Variants in CXCL3 observed in about 807,000 individuals in gnomAD.
CXCL3 encodes the protein C-X-C motif chemokine 3.
In CXCL3, 10 loss-of-function variants were observed where a neutral mutation model predicts 11.5. The ratio of observed to expected loss-of-function variants is 0.87; its 90% CI spans 0.54 to 1.48. CXCL3 has a LOEUF of 1.48. Among genes scored for constraint, CXCL3 ranks in the 40% most tolerant of loss-of-function variants. The pLI is 0.00. For missense variants in CXCL3, 149 were observed against 139.1 expected (o/e 1.07, Z -0.36); for synonymous variants, 61 against 60.9 (o/e 1.00, Z -0.01).
In CXCL3 at chr4:74,037,091, A is replaced by T. The variant is rs1445653860; in HGVS notation, c.*171T>A. ...TATTAAAATACAAGCTTTCAAAAATAAATACATAAATAAGTAGAACCCTCG... is the reference window on the plus strand; with the variant it reads ...TATTAAAATACAAGCTTTCAAAAATTAATACATAAATAAGTAGAACCCTCG... On this transcript the variant is annotated 3_prime_UTR_variant, in exon 4 of 4. Coordinates refer to ENST00000296026, the MANE Select transcript of CXCL3 (RefSeq NM_002090.3). 2 of 611,394 alleles carry T rather than the reference A, an allele frequency of 3.3e-6. No homozygotes were observed. The highest frequency in any genetic ancestry group is 5.6e-6 in the Non-Finnish European group (2 of 355,762). 37.9% of individuals were successfully genotyped at this position (611,394 alleles called of 1,614,324 possible).
chr4:74,038,389 C>A lies in CXCL3; in HGVS notation c.125G>T (p.Arg42Leu), dbSNP rs760681177. ...CTGCAGTGTCTGCAAGCACTGGCAGCGCAGTTCAGTGACCACGGACGCTCC... is the reference window on the plus strand; with the variant it reads ...CTGCAGTGTCTGCAAGCACTGGCAGAGCAGTTCAGTGACCACGGACGCTCC... ...AAGASVVTEL[R>L]CQCLQTLQGI... Residue 42 changes from arginine (R) to leucine (L), a missense_variant, in exon 2 of 4, where the codon CGC becomes CTC. Transcript: ENST00000296026. The A allele has an allele frequency of 2.5e-6, 4 of 1,614,122 alleles. No homozygotes were observed. The South Asian group carries it at 4.4e-5, about 18-fold the overall frequency.
chr4:74,038,377 A>G lies in CXCL3; in HGVS notation c.137T>C (p.Leu46Ser). Residue 46 changes from leucine to serine, a missense_variant, in exon 2 of 4, where the codon TTG becomes TCG. Coordinates refer to ENST00000296026, the MANE Select transcript of CXCL3 (RefSeq NM_002090.3). ...SVVTELRCQCLQTLQGIHLKN... is the reference protein window; with the variant it reads ...SVVTELRCQCSQTLQGIHLKN... ...GAGGTGAATTCCCTGCAGTGTCTGC[A>G]AGCACTGGCAGCGCAGTTCAGTGAC... The G allele has an allele frequency of 6.2e-7, 1 of 1,614,190 alleles. No individual in the cohort carries two copies. Among genetic ancestry groups the G allele is most frequent in the Non-Finnish European group, 8.5e-7 (1 of 1,180,012 alleles).
chr4:74,038,479 C>A, intron 1 of CXCL3, 33 bp downstream of exon 1: 2 of 1,575,494 alleles, frequency 1.3e-6, no homozygotes, highest in Non-Finnish European at 1.7e-6. Context: ...CCAGCCGCGT[C>A]CGGCCCGGGG....
At position 74,037,124 on chromosome 4, in the gene CXCL3, T is replaced by C. The variant is rs1466855504; in HGVS notation, c.*138A>G. 4.9e-6 allele frequency: 4 copies of C among 809,438 alleles called. No individual in the cohort carries two copies. The highest frequency in any genetic ancestry group is 2.5e-5 in the East Asian group (1 of 39,756). 50.1% of individuals were successfully genotyped at this position (809,438 alleles called of 1,614,324 possible). On this transcript the variant is annotated 3_prime_UTR_variant, in exon 4 of 4. Coordinates refer to ENST00000296026, the MANE Select transcript of CXCL3 (RefSeq NM_002090.3). The stretch of plus-strand genomic sequence containing the variant: ...AAATAAGTAGAACCCTCGTAAGAAA[T>C]AGTCAAACACATTAAGTCCTTTCCA...
Position 74,038,329 on chromosome 4 carries a change from A to C in CXCL3, c.185T>G (p.Val62Gly). The C allele has an allele frequency of 6.2e-7, 1 of 1,614,134 alleles. No individual in the cohort carries two copies. The highest frequency in any genetic ancestry group is 1.7e-5 in the Admixed American group (1 of 60,022). ...IHLKNIQSVNVRSPGPHCAQT... is the reference protein window; with the variant it reads ...IHLKNIQSVNGRSPGPHCAQT... ...GGCGCAGTGGGGTCCGGGGGACCTTACATTCACACTTTGGATGTTCTTGAG... is the reference window on the plus strand; with the variant it reads ...GGCGCAGTGGGGTCCGGGGGACCTTCCATTCACACTTTGGATGTTCTTGAG... Residue 62 changes from valine to glycine, a missense_variant, in exon 2 of 4, where the codon GTA becomes GGA. Val to Gly is a moderately radical substitution (Grantham distance 109). Transcript: ENST00000296026.
In CXCL3 at chr4:74,037,195, G is replaced by T. The variant is rs929172104; in HGVS notation, c.*67C>A. On this transcript the variant is annotated 3_prime_UTR_variant, in exon 4 of 4. Coordinates refer to ENST00000296026, the MANE Select transcript of CXCL3 (RefSeq NM_002090.3). The stretch of plus-strand genomic sequence containing the variant: ...GTTCTCTTTTTCATTTTCAGCTCTG[G>T]TAAGGGCAGGGACCACCCTGCAGGA... 6.9e-6 allele frequency: 11 copies of T among 1,586,898 alleles called. No individual in the cohort carries two copies. The Admixed American group carries it at 1.5e-4, about 22-fold the overall frequency.
Position 74,038,560 on chromosome 4 carries a change from C to G in CXCL3, c.52G>C (p.Val18Leu). 1 of 1,490,558 alleles carries G rather than the reference C, an allele frequency of 6.7e-7. No homozygotes were observed. The highest frequency in any genetic ancestry group is 8.9e-7 in the Non-Finnish European group (1 of 1,121,758). 92.3% of individuals were successfully genotyped at this position (1,490,558 alleles called of 1,614,324 possible). Residue 18 changes from valine to leucine, a missense_variant, in exon 1 of 4, where the codon GTG becomes CTG. Coordinates refer to ENST00000296026, the MANE Select transcript of CXCL3 (RefSeq NM_002090.3). ...AAPSNPRLLR[V>L]ALLLLLLVAA... The stretch of plus-strand genomic sequence containing the variant: ...ACCAGGAGCAGGAGCAGCAGCGCCA[C>G]CCGCAGGAGCCGGGGATTGCTGGGG...
Position 74,037,101 on chromosome 4 carries a change from A to T in CXCL3, c.*161T>A. ...CAAGCTTTCAAAAATAAATACATAA[A>T]TAAGTAGAACCCTCGTAAGAAATAG... On this transcript the variant is annotated 3_prime_UTR_variant, in exon 4 of 4. Transcript: ENST00000296026. 1.5e-6 allele frequency: 1 copy of T among 647,792 alleles called. No homozygotes were observed. The highest frequency in any genetic ancestry group is 2.1e-5 in the South Asian group (1 of 46,768). The allele number at this position is 647,792 out of a possible 1,614,324, so 40.1% of individuals were successfully genotyped here.
chr4:74,037,307 G>T (rs1172385983), intron 3 of CXCL3, 30 bp from the exon 4 acceptor site: 2 of 1,613,966 alleles, frequency 1.2e-6, no homozygotes, highest in Non-Finnish European at 1.7e-6. Context: ...ACTGTTGCAG[G>T]TGCTAAGGAA....
chr4:74,038,608 C>A lies in CXCL3; in HGVS notation c.4G>T (p.Ala2Ser). Residue 2 changes from alanine to serine, a missense_variant, in exon 1 of 4, where the codon GCC becomes TCC. Ala to Ser is a moderately conservative substitution (Grantham distance 99). Coordinates refer to ENST00000296026, the MANE Select transcript of CXCL3 (RefSeq NM_002090.3). ...GGGGCGGCGGAGAGCGTGGCGTGGG[C>A]CATGGGGCTCAGCAGACGCGTCGGG... M[A>S]HATLSAAPSN... The A allele has an allele frequency of 4.1e-6, 6 of 1,469,066 alleles. No individual in the cohort carries two copies. Among genetic ancestry groups the A allele is most frequent in the Non-Finnish European group, 5.4e-6 (6 of 1,114,516 alleles). 91.0% of individuals were successfully genotyped at this position (1,469,066 alleles called of 1,614,324 possible).
At chr4:74,038,015 T>G in intron 3 of CXCL3, 78 bp downstream of exon 3, 4 of 1,446,256 alleles carry the variant, frequency 2.8e-6, no homozygotes, top group Non-Finnish European at 3.8e-6. Flanking sequence ...GGTTCCCTGA[T>G]TTTATTTTTA....
chr4:74,038,154 T>C lies in CXCL3; in HGVS notation c.247A>G (p.Lys83Glu), dbSNP rs763680466. 3 of 1,614,112 alleles carry C rather than the reference T, an allele frequency of 1.9e-6. No individual in the cohort carries two copies. Among genetic ancestry groups the C allele is most frequent in the Non-Finnish European group, 2.5e-6 (3 of 1,180,004 alleles). ...GGGGATGCGGGGTTGAGACAAGCTT[T>C]CTTCCCATTCTTGAGTGTGGCTCTG... ...EVIATLKNGK[K>E]ACLNPASPMV... The change falls in exon 3 of 4, where the codon AAA becomes GAA. Residue 83 changes from lysine to glutamate, a missense_variant. Physicochemically the swap from Lys to Glu is moderately conservative, Grantham distance 56. Coordinates refer to ENST00000296026, the MANE Select transcript of CXCL3 (RefSeq NM_002090.3).
rs777505643 is a variant in CXCL3 at position 74,038,077 on chromosome 4, G to A, written c.308+16C>T. The A allele has an allele frequency of 5.4e-5, 87 of 1,613,534 alleles. No homozygotes were observed. The highest frequency in any genetic ancestry group is 7.2e-5 in the Non-Finnish European group (85 of 1,179,592). On this transcript the variant is annotated intron_variant, in intron 3 of 3. Coordinates refer to ENST00000296026, the MANE Select transcript of CXCL3 (RefSeq NM_002090.3). ...AACGGCTCCAGTCGCCTGTGTATAT[G>A]GAAATTACAACTCACTTGTTCAGTA...
chr4:74,037,417 T>C (rs370655), intron 3 of CXCL3, 140 bp from the exon 4 acceptor site: 312,898 of 787,710 alleles, frequency 0.4, 66,570 homozygotes, highest in African/African-American at 0.57. Context: ...ACCCACTGCC[T>C]TCTATAGCAG....
Position 74,037,082 on chromosome 4 carries a change from T to G in CXCL3, c.*180A>C. The G allele has an allele frequency of 1.7e-6, 1 of 591,672 alleles. No homozygotes were observed. 36.7% of individuals were successfully genotyped at this position (591,672 alleles called of 1,614,324 possible). ...CATGTAAAATATTAAAATACAAGCT[T>G]TCAAAAATAAATACATAAATAAGTA... On this transcript the variant is annotated 3_prime_UTR_variant, in exon 4 of 4. Coordinates refer to ENST00000296026, the MANE Select transcript of CXCL3 (RefSeq NM_002090.3).
rs1720037160 is a variant in CXCL3 at position 74,038,162 on chromosome 4, T to C, written c.239A>G (p.Asn80Ser). 1 of 1,614,108 alleles carries C rather than the reference T, an allele frequency of 6.2e-7. No individual in the cohort carries two copies. The highest frequency in any genetic ancestry group is 1.1e-5 in the South Asian group (1 of 91,062). The change falls in exon 3 of 4, where the codon AAT (asparagine) becomes AGT (serine). Residue 80 changes from asparagine to serine, a missense_variant. Transcript: ENST00000296026. ...AQTEVIATLK[N>S]GKKACLNPAS... The stretch of plus-strand genomic sequence containing the variant: ...GGGGTTGAGACAAGCTTTCTTCCCA[T>C]TCTTGAGTGTGGCTCTGCAGAGAGA...
chr4:74,037,998 C>A, intron 3 of CXCL3, 95 bp downstream of exon 3: 1 of 1,291,460 alleles, frequency 7.7e-7, no homozygotes, highest in African/African-American at 1.5e-5. Flanking sequence ...CTTCAGCTAA[C>A]TCTTGGGGTT....
chr4:74,037,332 C>T, intron 3 of CXCL3, 55 bp from the exon 4 acceptor site: 2 of 1,611,240 alleles, frequency 1.2e-6, no homozygotes, highest in Non-Finnish European at 1.7e-6. Flanking sequence ...GCTCTTCTGT[C>T]ACTCTGAAGT....
At chr4:74,037,422 T>C (rs1720019316) in intron 3 of CXCL3, 145 bp from the exon 4 acceptor site, 5 of 684,204 alleles carry the variant, frequency 7.3e-6, no homozygotes, top group Non-Finnish European at 1.2e-5. Context: ...CTGCCTTCTA[T>C]AGCAGAAAAC....
Sources: allele counts gnomAD v4.1 joint callset, GRCh38; gene constraint gnomAD v4.1.1; transcripts MANE v1.5; gene names NCBI Gene and HGNC (gene_info 2026-07-23, HGNC 2026-07-21).